SLC5A1: variants seen among roughly 807,000 people sequenced by gnomAD.
The protein encoded by SLC5A1 is solute carrier family 5 member 1.
A neutral mutation model predicts 73.5 loss-of-function variants in SLC5A1; 42 were observed. That is an observed-to-expected ratio of 0.57 (90% CI 0.45 to 0.74). The LOEUF (loss-of-function observed/expected upper bound fraction) is 0.74, where lower values mean the gene tolerates loss of function less well. SLC5A1 is among the 30% of genes least tolerant of loss of function. The probability of loss-of-function intolerance (pLI) is 0.00; values close to 1 mark genes in which losing one functional copy is unlikely to be tolerated. For missense variants in SLC5A1, 634 were observed against 855.4 expected (o/e 0.74, Z 3.23); for synonymous variants, 300 against 317.4 (o/e 0.95, Z 0.58).
At chr22:32,053,989 A>G (rs1280111400) in intron 2 of SLC5A1, among the ~76,000 whole-genome samples, 1 of 152,174 alleles carries the variant, frequency 6.6e-6, no homozygotes, top group Non-Finnish European at 1.5e-5. Context: ...GCTGGCCAAC[A>G]TGATGAAACC....
At chr22:32,098,398 A>G (rs947043119) in intron 11 of SLC5A1, among the ~76,000 whole-genome samples, 4 of 152,304 alleles carry the variant, frequency 2.6e-5, no homozygotes, top group African/African-American at 9.6e-5. Flanking sequence ...ACTATCACTA[A>G]TTCTTATTCC....
chr22:32,107,956 G>A (rs1445612151), intron 14 of SLC5A1, among the ~76,000 whole-genome samples: 2 of 152,130 alleles, frequency 1.3e-5, no homozygotes, highest in Non-Finnish European at 2.9e-5. Context: ...ATAATGATAT[G>A]ATCATAACAT....
chr22:32,095,814 C>T (rs1242113868), intron 11 of SLC5A1, among the ~76,000 whole-genome samples: 5 of 152,142 alleles, frequency 3.3e-5, no homozygotes, highest in South Asian at 4.1e-4. Flanking sequence ...TCTGCAATTC[C>T]GTATCTTTTA....
chr22:32,085,099 G>A (rs1398994354), intron 9 of SLC5A1, 64 bp downstream of exon 9: 1 of 1,589,782 alleles, frequency 6.3e-7, no homozygotes, highest in Non-Finnish European at 8.6e-7. Flanking sequence ...CACTTCTAAA[G>A]CTCTATAGCT....
chr22:32,046,892 T>A (rs1228997882), intron 1 of SLC5A1, among the ~76,000 whole-genome samples: 2 of 152,232 alleles, frequency 1.3e-5, no homozygotes, highest in African/African-American at 2.4e-5. Flanking sequence ...ACACTGTTGT[T>A]TACAAAGTGG....
At chr22:32,064,206 G>A (rs2093968466) in intron 2 of SLC5A1, among the ~76,000 whole-genome samples, 1 of 152,132 alleles carries the variant, frequency 6.6e-6, no homozygotes, top group Non-Finnish European at 1.5e-5. Flanking sequence ...ATTAAAAGTG[G>A]ACTGTTAGGC....
rs1324715148 is a variant in SLC5A1, at chr22:32,110,770, G to C, written c.*557G>C. The C allele has an allele frequency of 5.8e-6, 1 of 171,632 alleles. No individual in the cohort carries two copies. The highest frequency in any genetic ancestry group is 1.3e-5 in the Non-Finnish European group (1 of 78,962). 10.6% of individuals were successfully genotyped at this position (171,632 alleles called of 1,614,324 possible). On this transcript the variant is annotated 3_prime_UTR_variant, in exon 15 of 15. Transcript: ENST00000266088. ...GAGCTTGATGGGCTCCCTGTCCTGG[G>C]TGTTTGCTCTCTGAAGTGGAGGCCT...
rs756999099 is a variant in SLC5A1 at position 32,050,019 on chromosome 22, G to A, written c.207+5G>A. ...CGAAGTATGGTGTGGTGGCCGGTAA[G>A]TTTTCTCTGAAATGCTATTTACATA... On this transcript the variant is annotated splice_donor_5th_base_variant and intron_variant, in intron 2 of 14. Transcript: ENST00000266088. 6.2e-7 allele frequency: 1 copy of A among 1,612,738 alleles called. No individual in the cohort carries two copies. Among genetic ancestry groups the A allele is most frequent in the Non-Finnish European group, 8.5e-7 (1 of 1,178,720 alleles).
chr22:32,101,989 C>A, intron 12 of SLC5A1, 33 bp from the exon 13 acceptor site: 1 of 1,519,388 alleles, frequency 6.6e-7, no homozygotes, highest in Non-Finnish European at 9.1e-7. Flanking sequence ...TTTGTGTGTT[C>A]AGCATGAGTT....
chr22:32,043,536 G>A lies in SLC5A1; in HGVS notation c.135+120G>A. 23 of 1,129,976 alleles carry A rather than the reference G, an allele frequency of 2.0e-5. No individual in the cohort carries two copies. In the South Asian group the frequency reaches 3.0e-4, roughly 15 times the overall value. The allele number at this position is 1,129,976 out of a possible 1,614,324, so 70.0% of individuals were successfully genotyped here. Reference sequence around the variant, plus strand: ...CGGTGGAGGGGAGAGGAAATGACTTGGAAGCACTTTAGAAGCACTCAGAGG... The same window carrying A: ...CGGTGGAGGGGAGAGGAAATGACTTAGAAGCACTTTAGAAGCACTCAGAGG... On this transcript the variant is annotated intron_variant, in intron 1 of 14. Transcript: ENST00000266088. This position sits in a 1 kb window ranked among gnomAD's most constrained non-coding sequence, Gnocchi z 6.5.
intron 11 of SLC5A1, among the ~76,000 whole-genome samples, chr22:32,092,893 G>A (rs1192909207): frequency 6.6e-6 from 1 of 152,094 alleles, no homozygotes; most frequent in Non-Finnish European, 1.5e-5. Flanking sequence ...ATGCCTAGGA[G>A]GGTTTTTCTG....
intron 13 of SLC5A1, among the ~76,000 whole-genome samples, chr22:32,103,453 A>T (rs1270249119): frequency 6.6e-6 from 1 of 152,240 alleles, no homozygotes; most frequent in Non-Finnish European, 1.5e-5. Context: ...ACAGGCTGAT[A>T]TCAAGCCCAT....
intron 9 of SLC5A1, 88 bp from the exon 10 acceptor site, chr22:32,086,132 C>G: frequency 2.4e-6 from 2 of 824,216 alleles, no homozygotes; most frequent in Admixed American, 3.5e-5. Flanking sequence ...CAGAGTGAGA[C>G]TCCGTCTCAA....
intron 14 of SLC5A1, among the ~76,000 whole-genome samples, chr22:32,106,160 A>G (rs188318378): frequency 6.6e-6 from 1 of 152,360 alleles, no homozygotes; most frequent in African/African-American, 2.4e-5. Flanking sequence ...AGGAACCTCC[A>G]AACTGTTCTC....
Position 32,081,857 on chromosome 22 carries a change from T to TC in SLC5A1, c.478-7dup, listed in dbSNP as rs33982670. ...CTCCCTCCTAACTCCGCCTCTCCTC[T>TC]CCTTCCAGGCAGACATCTTCTCGGG... On this transcript the variant is annotated splice_polypyrimidine_tract_variant and intron_variant, in intron 5 of 14. Coordinates refer to ENST00000266088, the MANE Select transcript of SLC5A1 (RefSeq NM_000343.4). The TC allele has an allele frequency of 1.9e-4, 298 of 1,597,604 alleles. No homozygotes were observed. Among genetic ancestry groups the TC allele is most frequent in the Non-Finnish European group, 2.4e-4 (277 of 1,165,834 alleles).
At chr22:32,051,856 A>G (rs377037770) in intron 2 of SLC5A1, among the ~76,000 whole-genome samples, 1 of 152,338 alleles carries the variant, frequency 6.6e-6, no homozygotes, top group East Asian at 1.9e-4. Flanking sequence ...AAAAACATCC[A>G]AGGAAAATGG....
intron 12 of SLC5A1, 107 bp downstream of exon 12, chr22:32,099,458 C>A: frequency 8.9e-7 from 1 of 1,125,384 alleles, no homozygotes; most frequent in Non-Finnish European, 1.3e-6. Context: ...AGATCTTGAG[C>A]AGACACGGAT....
At chr22:32,050,086 T>G (rs766086254) in intron 2 of SLC5A1, 72 bp downstream of exon 2, 11 of 1,311,434 alleles carry the variant, frequency 8.4e-6, no homozygotes, top group Non-Finnish European at 1.2e-5. Flanking sequence ...ATTTTCTTCT[T>G]GGCTTTGGGT....
chr22:32,051,865 G>A (rs1416407425), intron 2 of SLC5A1, among the ~76,000 whole-genome samples: 2 of 152,198 alleles, frequency 1.3e-5, no homozygotes, highest in Non-Finnish European at 2.9e-5. Context: ...CAAGGAAAAT[G>A]GATGAATGAA....
Sources: gnomAD v4.1 joint callset for allele counts (sites outside exome capture counted in the v4.1 genomes callset) on GRCh38, gnomAD v4.1.1 for gene constraint, Gnocchi (gnomAD v3.1) non-coding constraint, MANE v1.5 for transcripts, NCBI Gene and HGNC (gene_info 2026-07-23, HGNC 2026-07-21) for gene names.